The following XKR9 variants were observed in gnomAD, a reference collection of about 807,000 sequenced individuals.
XKR9 encodes the protein XK-related protein 9.
In XKR9, 32 loss-of-function variants were observed where a neutral mutation model predicts 32.0. The ratio of observed to expected loss-of-function variants is 1.00; its 90% CI spans 0.76 to 1.34. XKR9 has a LOEUF of 1.34. XKR9 is among the 40% of genes most tolerant of loss of function. XKR9 has a pLI of 0.00. For missense variants in XKR9, 546 were observed against 429.7 expected (o/e 1.27, Z -2.39); for synonymous variants, 168 against 143.4 (o/e 1.17, Z -1.22).
chr8:70,853,962 A>G, the XKR9 span, among the ~76,000 whole-genome samples: 1 of 152,274 alleles, frequency 6.6e-6, no homozygotes, highest in Admixed American at 6.5e-5. Flanking sequence ...AGTCTTTGCT[A>G]TTGTGAATAG....
chr8:70,886,279 C>T, the XKR9 span, among the ~76,000 whole-genome samples: 1 of 152,190 alleles, frequency 6.6e-6, no homozygotes, highest in African/African-American at 2.4e-5. Context: ...TTTTCTTAAT[C>T]CAGTCTGTCA....
the XKR9 span, among the ~76,000 whole-genome samples, chr8:70,852,174 A>G: frequency 1.3e-5 from 2 of 152,268 alleles, no homozygotes; most frequent in African/African-American, 4.8e-5. Context: ...CAACAAACAT[A>G]TGAGAAAAAG....
chr8:70,772,822 G>A (rs931239530), intron 2 of XKR9, among the ~76,000 whole-genome samples: 8 of 152,128 alleles, frequency 5.3e-5, no homozygotes, highest in Non-Finnish European at 2.9e-5. Context: ...CTTGCCAAAT[G>A]TTTGTCTTCC....
chr8:70,908,916 TA>T, the XKR9 span, among the ~76,000 whole-genome samples: 1 of 152,224 alleles, frequency 6.6e-6, no homozygotes, highest in Non-Finnish European at 1.5e-5. Context: ...GAATTTTTAG[TA>T]AAGTTCCTTG....
intron 2 of XKR9, among the ~76,000 whole-genome samples, chr8:70,762,506 T>C (rs895615090): frequency 6.6e-6 from 1 of 152,204 alleles, no homozygotes; most frequent in African/African-American, 2.4e-5. Context: ...CCAGATTGTC[T>C]GCTCCTTATG....
chr8:70,886,845 C>T, the XKR9 span, among the ~76,000 whole-genome samples: 46 of 152,124 alleles, frequency 3.0e-4, 2 homozygotes, highest in Admixed American at 3.0e-3. Context: ...TGCTTGTTCA[C>T]TCTGATGATA....
the XKR9 span, among the ~76,000 whole-genome samples, chr8:70,802,183 G>A: frequency 8.6e-5 from 13 of 151,988 alleles, no homozygotes; most frequent in South Asian, 4.1e-4. Context: ...TGAGCCGCCC[G>A]CCTCAGCCTC....
At chr8:70,887,724 T>C in the XKR9 span, among the ~76,000 whole-genome samples, 4 of 152,122 alleles carry the variant, frequency 2.6e-5, no homozygotes, top group African/African-American at 4.8e-5. Context: ...GGCTCTCTGC[T>C]TGTCTGTTTT....
At chr8:70,945,186 A>G in the XKR9 span, among the ~76,000 whole-genome samples, 9,073 of 152,334 alleles carry the variant, frequency 0.06, 384 homozygotes, top group Non-Finnish European at 0.084. Flanking sequence ...TATGTTCATT[A>G]CAGATCTCAG....
At chr8:70,738,594 C>T (rs1013898199), downstream of XKR9, among the ~76,000 whole-genome samples, 4 of 151,718 alleles carry the variant, frequency 2.6e-5, no homozygotes, top group African/African-American at 9.7e-5. Flanking sequence ...CCTGCTTTCT[C>T]TTGTGGGCAT....
chr8:70,685,182 C>A (rs1467493611), intron 3 of XKR9, among the ~76,000 whole-genome samples: 1 of 151,486 alleles, frequency 6.6e-6, no homozygotes, highest in African/African-American at 2.4e-5. Flanking sequence ...ATGAAGAGTT[C>A]ATGTCCTTTG....
chr8:71,043,522 G>A, the XKR9 span, among the ~76,000 whole-genome samples: 1 of 152,160 alleles, frequency 6.6e-6, no homozygotes, highest in African/African-American at 2.4e-5. Context: ...GAAGAATGAT[G>A]CCTGAAATAT....
downstream of XKR9, among the ~76,000 whole-genome samples, chr8:70,739,230 C>G (rs533213027): frequency 2.0e-5 from 3 of 152,272 alleles, no homozygotes; most frequent in East Asian, 3.9e-4. Flanking sequence ...TAATGGCCTT[C>G]TTTGTCTCTT....
the XKR9 span, among the ~76,000 whole-genome samples, chr8:70,912,146 G>A: frequency 2.6e-5 from 4 of 152,084 alleles, no homozygotes; most frequent in African/African-American, 9.7e-5. Flanking sequence ...TTGGGGTGGG[G>A]GAGAATGATG....
chr8:70,880,125 C>G, the XKR9 span, among the ~76,000 whole-genome samples: 1 of 152,106 alleles, frequency 6.6e-6, no homozygotes, highest in South Asian at 2.1e-4. Context: ...GAATGTATCT[C>G]AAATAATAAG....
the XKR9 span, among the ~76,000 whole-genome samples, chr8:70,809,811 T>G: frequency 6.6e-6 from 1 of 152,246 alleles, no homozygotes; most frequent in Non-Finnish European, 1.5e-5. Flanking sequence ...AATCCATGTC[T>G]GATTGGTGTA....
At chr8:71,018,291 A>T in the XKR9 span, among the ~76,000 whole-genome samples, 1 of 152,196 alleles carries the variant, frequency 6.6e-6, no homozygotes, top group African/African-American at 2.4e-5. Context: ...GATTACTAAG[A>T]AAGGTAAAGG....
At chr8:70,914,676 T>G in the XKR9 span, among the ~76,000 whole-genome samples, 2 of 152,196 alleles carry the variant, frequency 1.3e-5, no homozygotes, top group Non-Finnish European at 1.5e-5. Context: ...TGGCTTCCAT[T>G]TTTACTTCCT....
chr8:70,857,737 TC>T, the XKR9 span, among the ~76,000 whole-genome samples: 2 of 152,258 alleles, frequency 1.3e-5, no homozygotes, highest in Admixed American at 6.5e-5. Context: ...GGAAACCGAA[TC>T]CAGCAGCACA....
Sources: gnomAD v4.1 joint callset for allele counts (sites outside exome capture counted in the v4.1 genomes callset) on GRCh38, gnomAD v4.1.1 for gene constraint, MANE v1.5 for transcripts, NCBI Gene and HGNC (gene_info 2026-07-23, HGNC 2026-07-21) for gene names.